The following PPP1R16B variants were observed in gnomAD, a reference collection of about 807,000 sequenced individuals.
PPP1R16B encodes the protein protein phosphatase 1 regulatory subunit 16B, also known as protein phosphatase 1 regulatory inhibitor subunit 16B.
Under a neutral mutation model 61.7 loss-of-function variants are expected in PPP1R16B, and 14 were observed. The ratio of observed to expected loss-of-function variants is 0.23; its 90% CI spans 0.15 to 0.35. The LOEUF (loss-of-function observed/expected upper bound fraction) is 0.35, where lower values mean the gene tolerates loss of function less well. Among genes scored for constraint, PPP1R16B ranks in the 10% least tolerant of loss-of-function variants. PPP1R16B has a pLI of 1.00. For missense variants in PPP1R16B, 547 were observed against 752.5 expected (o/e 0.73, Z 3.19); for synonymous variants, 266 against 305.3 (o/e 0.87, Z 1.34).
intron 2 of PPP1R16B, among the ~76,000 whole-genome samples, chr20:38,876,185 C>T (rs1165052397): frequency 6.6e-6 from 1 of 152,036 alleles, no homozygotes; most frequent in African/African-American, 2.4e-5. Flanking sequence ...GTTGGCCAGG[C>T]TGGTCTCGAA....
chr20:38,872,096 G>A (rs1355072608), intron 2 of PPP1R16B, among the ~76,000 whole-genome samples: 1 of 152,220 alleles, frequency 6.6e-6, no homozygotes, highest in Non-Finnish European at 1.5e-5. Context: ...AGGGTGGCAG[G>A]CACTCTGACT....
Position 38,895,414 on chromosome 20 carries a change from A to G in PPP1R16B, c.322-151A>G, listed in dbSNP as rs1042584208. 6 of 911,564 alleles carry G rather than the reference A, an allele frequency of 6.6e-6. No homozygotes were observed. The African/African-American group carries it at 1.0e-4, about 15-fold the overall frequency. The allele number at this position is 911,564 out of a possible 1,614,324, so 56.5% of individuals were successfully genotyped here. A position where few individuals can be genotyped will look rare whatever the true frequency, so the allele number is the denominator to read the frequency against. On this transcript the variant is annotated intron_variant, in intron 3 of 10. Coordinates refer to ENST00000299824, the MANE Select transcript of PPP1R16B (RefSeq NM_015568.4). ...AGTGGCTTGCTCAAGGTCAAGGGCA[A>G]TGCTTACAGTGTGAACATCATGGAG...
intron 2 of PPP1R16B, among the ~76,000 whole-genome samples, chr20:38,838,801 C>T (rs936063570): frequency 6.6e-6 from 1 of 152,250 alleles, no homozygotes; most frequent in African/African-American, 2.4e-5. Flanking sequence ...CAGCCCCTAC[C>T]CCTTGCTGAT....
chr20:38,858,309 G>C (rs1249201544), intron 2 of PPP1R16B, among the ~76,000 whole-genome samples: 1 of 152,154 alleles, frequency 6.6e-6, no homozygotes, highest in Non-Finnish European at 1.5e-5. Context: ...GGGGTTCTCT[G>C]TGGTGCTGGA....
intron 2 of PPP1R16B, 79 bp downstream of exon 2, chr20:38,836,254 A>G (rs968694023): frequency 1.3e-6 from 2 of 1,533,682 alleles, no homozygotes. Context: ...TCTGTGCAGT[A>G]GACGTGTGGG....
chr20:38,900,782 C>A, intron 5 of PPP1R16B, 98 bp downstream of exon 5: 1 of 863,138 alleles, frequency 1.2e-6, no homozygotes. Flanking sequence ...ACGCATCGGC[C>A]TGCCTCGTGC....
In PPP1R16B at chr20:38,919,340, T is replaced by G. The variant is rs1021911086; in HGVS notation, c.*674T>G. 6.6e-6 allele frequency: 1 copy of G among 152,314 alleles called. No individual in the cohort carries two copies. Among genetic ancestry groups the G allele is most frequent in the Admixed American group, 6.5e-5 (1 of 15,276 alleles). 9.4% of individuals were successfully genotyped at this position (152,314 alleles called of 1,614,324 possible). On this transcript the variant is annotated 3_prime_UTR_variant, in exon 11 of 11. Transcript: ENST00000299824. ...CACAGACCTGCTCCCCGCAGCCTTG[T>G]TGAGAGCCACACTTCTGCCCATGCC... is the stretch of plus-strand genomic sequence containing the variant.
chr20:38,871,036 C>G (rs1386493780), intron 2 of PPP1R16B, among the ~76,000 whole-genome samples: 2 of 152,162 alleles, frequency 1.3e-5, no homozygotes, highest in Non-Finnish European at 2.9e-5. Context: ...ATCTCCCTGA[C>G]CCGTGTGTAC....
chr20:38,893,829 G>T (rs759089628), intron 3 of PPP1R16B, among the ~76,000 whole-genome samples: 1 of 152,072 alleles, frequency 6.6e-6, no homozygotes, highest in African/African-American at 2.4e-5. Context: ...TCAACCAGAG[G>T]CTTCCACTCC....
intron 2 of PPP1R16B, among the ~76,000 whole-genome samples, chr20:38,837,252 G>T (rs898874065): frequency 3.9e-5 from 6 of 152,164 alleles, no homozygotes; most frequent in Non-Finnish European, 7.3e-5. Flanking sequence ...CTGTAAAATG[G>T]GGCTAATAAG....
intron 3 of PPP1R16B, among the ~76,000 whole-genome samples, chr20:38,893,437 G>C (rs1362973673): frequency 6.6e-6 from 1 of 152,150 alleles, no homozygotes; most frequent in South Asian, 2.1e-4. Context: ...AGCTCTCTCT[G>C]GTCGAGGGTG....
At chr20:38,861,721 G>T (rs1053287928) in intron 2 of PPP1R16B, among the ~76,000 whole-genome samples, 1 of 141,742 alleles carries the variant, frequency 7.1e-6, no homozygotes, top group African/African-American at 2.7e-5. Flanking sequence ...CTGTCGCCCA[G>T]ACTAGAGTGC....
At chr20:38,902,839 G>C in intron 6 of PPP1R16B, 47 bp downstream of exon 6, 2 of 1,612,540 alleles carry the variant, frequency 1.2e-6, no homozygotes, top group Non-Finnish European at 1.7e-6. Flanking sequence ...TAGGTCCGAA[G>C]TGGGCCAGCA....
At chr20:38,908,665 C>A (rs1208340961) in intron 10 of PPP1R16B, among the ~76,000 whole-genome samples, 1 of 152,216 alleles carries the variant, frequency 6.6e-6, no homozygotes, top group East Asian at 1.9e-4. Flanking sequence ...CCTAGTAGGA[C>A]CTCTGAGAAG....
intron 2 of PPP1R16B, among the ~76,000 whole-genome samples, chr20:38,859,126 G>A (rs1486388475): frequency 6.6e-6 from 1 of 152,162 alleles, no homozygotes; most frequent in East Asian, 1.9e-4. Flanking sequence ...CCTTCTGATG[G>A]CAGGAGTTTG....
intron 2 of PPP1R16B, among the ~76,000 whole-genome samples, chr20:38,864,705 C>T (rs2085078261): frequency 6.6e-6 from 1 of 152,168 alleles, no homozygotes; most frequent in Non-Finnish European, 1.5e-5. Context: ...GAAAGACCAC[C>T]GGAGTCCCCC....
chr20:38,832,390 G>T (rs751522116), intron 1 of PPP1R16B, among the ~76,000 whole-genome samples: 36 of 152,198 alleles, frequency 2.4e-4, no homozygotes, highest in Admixed American at 2.6e-4. Context: ...ATAAACTTGT[G>T]ATCTGCTAGC....
Position 38,907,961 on chromosome 20 carries a change from A to G in PPP1R16B, c.1028+26A>G, listed in dbSNP as rs113421396. ...GTGAGTCCGGGGCAGGGCAGCCAGG[A>G]GTCCCTGTGTGTGCTCCTGCCTGTG... On this transcript the variant is annotated intron_variant, in intron 9 of 10. Transcript: ENST00000299824. This position sits in a 1 kb window ranked among gnomAD's most constrained non-coding sequence, Gnocchi z 4.5. 3,449 of 1,614,014 alleles carry G rather than the reference A, an allele frequency of 2.1e-3. 63 individuals are homozygous for G. In the African/African-American group the frequency reaches 0.041, roughly 19 times the overall value.
At chr20:38,912,745 A>T (rs2085502755) in intron 10 of PPP1R16B, among the ~76,000 whole-genome samples, 1 of 152,180 alleles carries the variant, frequency 6.6e-6, no homozygotes, top group Non-Finnish European at 1.5e-5. Flanking sequence ...ACTGCTGCAC[A>T]CAAGAATTTC....
Sources: gnomAD v4.1 joint callset for allele counts (sites outside exome capture counted in the v4.1 genomes callset) on GRCh38, gnomAD v4.1.1 for gene constraint, Gnocchi (gnomAD v3.1) non-coding constraint, MANE v1.5 for transcripts, NCBI Gene and HGNC (gene_info 2026-07-23, HGNC 2026-07-21) for gene names.